RORB: variants seen among roughly 807,000 people sequenced by gnomAD.
The protein encoded by RORB is nuclear receptor ROR-beta.
In RORB, 6 loss-of-function variants were observed where a neutral mutation model predicts 59.1. That is an observed-to-expected ratio of 0.10 (90% confidence interval 0.06 to 0.20). The LOEUF is 0.20. Ranked by LOEUF, RORB falls within the 10% of genes least tolerant of loss-of-function variation. RORB has a pLI of 1.00. For synonymous variants in RORB, 215 were observed against 204.5 expected (o/e 1.05, Z -0.44); for missense variants, 320 against 560.5 (o/e 0.57, Z 4.33).
chr9:74,625,433 G>A (rs1241472235), intron 1 of RORB, among the ~76,000 whole-genome samples: 1 of 152,152 alleles, frequency 6.6e-6, no homozygotes, highest in Non-Finnish European at 1.5e-5. Context: ...GGACAACATA[G>A]CAAGAGTCTG....
At chr9:74,498,100 C>A in intron 1 of RORB, 117 bp downstream of exon 1, 5 of 1,190,730 alleles carry the variant, frequency 4.2e-6, no homozygotes, top group Non-Finnish European at 6.0e-6. Flanking sequence ...AGGCGCAGTT[C>A]CCCGAATTCG....
At chr9:74,600,174 A>G (rs1309775840) in intron 1 of RORB, among the ~76,000 whole-genome samples, 1 of 152,198 alleles carries the variant, frequency 6.6e-6, no homozygotes, top group Non-Finnish European at 1.5e-5. Context: ...CTTAGCAATA[A>G]GCTCCAGACT....
At position 74,540,709 on chromosome 9, in the gene RORB, C is replaced by A. The variant is rs1417082508; in HGVS notation, c.7+42726C>A. Among the ~76,000 whole-genome samples the A allele has an allele frequency of 4.6e-5, 7 of 151,844 alleles. No homozygotes were observed. The South Asian group carries it at 1.5e-3, about 32-fold the overall frequency. ...AGATGTACTATATTTAATTTAAATG[C>A]TTCTCTGTTGATCATTTGGGATGCT... On this transcript the variant is annotated intron_variant, in intron 1 of 9. Coordinates refer to ENST00000376896, the MANE Select transcript of RORB (RefSeq NM_006914.4).
intron 4 of RORB, among the ~76,000 whole-genome samples, chr9:74,649,216 G>A (rs1011074452): frequency 1.3e-5 from 2 of 152,042 alleles, no homozygotes; most frequent in Middle Eastern, 3.2e-3. Flanking sequence ...TCCCAAAAGT[G>A]CTGATATTAC....
At chr9:74,672,095 A>G (rs999195256) in intron 9 of RORB, among the ~76,000 whole-genome samples, 194 bp downstream of exon 9, 1 of 152,200 alleles carries the variant, frequency 6.6e-6, no homozygotes, top group Non-Finnish European at 1.5e-5. Context: ...GCTTTCTTAT[A>G]GAGGGATGAT....
chr9:74,602,673 C>T (rs1050178950), intron 1 of RORB, among the ~76,000 whole-genome samples: 1 of 152,216 alleles, frequency 6.6e-6, no homozygotes, highest in African/African-American at 2.4e-5. Flanking sequence ...GCACCTTTCT[C>T]CCCCAAAAGA....
chr9:74,610,779 G>A (rs1252972318), intron 1 of RORB, among the ~76,000 whole-genome samples: 1 of 152,188 alleles, frequency 6.6e-6, no homozygotes, highest in East Asian at 1.9e-4. Context: ...TCTGAAACAT[G>A]AGCATGCCTC....
intron 1 of RORB, among the ~76,000 whole-genome samples, chr9:74,564,739 CA>C (rs888354013): frequency 6.6e-6 from 1 of 151,816 alleles, no homozygotes; most frequent in African/African-American, 2.4e-5. Flanking sequence ...CACTAGGATT[CA>C]AAAAAACTTA....
chr9:74,529,869 T>A (rs1436455900), intron 1 of RORB, among the ~76,000 whole-genome samples: 1 of 151,892 alleles, frequency 6.6e-6, no homozygotes, highest in Non-Finnish European at 1.5e-5. Flanking sequence ...AAGGACTTAC[T>A]CATGTAACCA....
At chr9:74,681,973 C>T (rs1374423036) in intron 9 of RORB, among the ~76,000 whole-genome samples, 1 of 152,110 alleles carries the variant, frequency 6.6e-6, no homozygotes, top group Non-Finnish European at 1.5e-5. Flanking sequence ...GTTAATGACT[C>T]CACTTTTGGA....
chr9:74,556,456 G>A (rs893088308), intron 1 of RORB, among the ~76,000 whole-genome samples: 3 of 152,182 alleles, frequency 2.0e-5, no homozygotes, highest in Admixed American at 2.0e-4. Context: ...AAGAGCTGGA[G>A]TTATGCAGCC....
chr9:74,637,032 A>G (rs1232052493), intron 3 of RORB, among the ~76,000 whole-genome samples: 1 of 152,222 alleles, frequency 6.6e-6, no homozygotes, highest in Admixed American at 6.5e-5. Context: ...ACCTATGTCT[A>G]GTAAAGGCTC....
At chr9:74,655,771 T>C (rs144339287) in intron 4 of RORB, among the ~76,000 whole-genome samples, 23 of 152,324 alleles carry the variant, frequency 1.5e-4, no homozygotes, top group African/African-American at 5.3e-4. Flanking sequence ...AGCATCTTTC[T>C]AATTGACAGA....
At chr9:74,613,214 A>C (rs764418578) in intron 1 of RORB, among the ~76,000 whole-genome samples, 10 of 152,174 alleles carry the variant, frequency 6.6e-5, no homozygotes, top group Non-Finnish European at 1.5e-4. Flanking sequence ...GCACTTTCAC[A>C]TTTACTCCTT....
At chr9:74,567,793 C>T (rs925556974) in intron 1 of RORB, among the ~76,000 whole-genome samples, 1 of 152,148 alleles carries the variant, frequency 6.6e-6, no homozygotes. Context: ...TCTCTCTGAG[C>T]GAGTGGTTCC....
intron 1 of RORB, among the ~76,000 whole-genome samples, chr9:74,553,009 A>G (rs1009307317): frequency 2.6e-5 from 4 of 152,116 alleles, no homozygotes; most frequent in Non-Finnish European, 5.9e-5. Flanking sequence ...ATCAGAAAGA[A>G]GGTCACTGTG....
chr9:74,630,185 C>T (rs1167476965), intron 1 of RORB, 97 bp from the exon 2 acceptor site: 23 of 1,475,770 alleles, frequency 1.6e-5, no homozygotes, highest in Non-Finnish European at 2.1e-5. Context: ...TTTTCAAATA[C>T]AAACATCAAG....
chr9:74,683,274 T>C (rs1483711198), intron 9 of RORB, among the ~76,000 whole-genome samples: 1 of 152,166 alleles, frequency 6.6e-6, no homozygotes, highest in Non-Finnish European at 1.5e-5. Context: ...CCTAAATTGT[T>C]GTAGTCTCCT....
intron 9 of RORB, among the ~76,000 whole-genome samples, chr9:74,673,975 C>G (rs1247005198): frequency 6.6e-6 from 1 of 152,170 alleles, no homozygotes; most frequent in African/African-American, 2.4e-5. Flanking sequence ...TATCGCAGCT[C>G]TGATCTCTGT....
Sources: allele counts gnomAD v4.1 joint callset (sites outside exome capture counted in the v4.1 genomes callset), GRCh38; gene constraint gnomAD v4.1.1; transcripts MANE v1.5; gene names NCBI Gene and HGNC (gene_info 2026-07-23, HGNC 2026-07-21).